CIROZ: variants seen among roughly 807,000 people sequenced by gnomAD.
CIROZ encodes the protein ciliated left-right organizer ZP-N domains-containing protein.
chr1:10,976,540 T>C, the CIROZ span, among the ~76,000 whole-genome samples: 1 of 151,598 alleles, frequency 6.6e-6, no homozygotes, highest in Non-Finnish European at 1.5e-5. Flanking sequence ...TTAGTAGAGA[T>C]GGGGTTTCAC....
At chr1:10,979,901 G>A in the CIROZ span, among the ~76,000 whole-genome samples, 1 of 152,138 alleles carries the variant, frequency 6.6e-6, no homozygotes. Flanking sequence ...TACGAAATTA[G>A]CCAGGTGCGG....
the CIROZ span, among the ~76,000 whole-genome samples, chr1:10,960,204 A>G: frequency 3.3e-5 from 5 of 152,292 alleles, no homozygotes; most frequent in Admixed American, 6.5e-5. This position sits in a 1 kb window ranked among gnomAD's most constrained non-coding sequence, Gnocchi z 4.6. Context: ...CCTGGGCAAC[A>G]TGGTGAAACC....
chr1:10,951,322 C>G, the CIROZ span, among the ~76,000 whole-genome samples: 2 of 151,930 alleles, frequency 1.3e-5, no homozygotes, highest in African/African-American at 4.8e-5. Flanking sequence ...CCCAGCAGTA[C>G]GGGAGGCTGA....
chr1:10,969,772 A>C, the CIROZ span, among the ~76,000 whole-genome samples: 2 of 149,208 alleles, frequency 1.3e-5, no homozygotes, highest in Non-Finnish European at 2.9e-5. Context: ...ACTAGTGAGG[A>C]GTGCCGGGAT....
At chr1:10,968,730 T>C in the CIROZ span, among the ~76,000 whole-genome samples, 1 of 152,206 alleles carries the variant, frequency 6.6e-6, no homozygotes, top group Non-Finnish European at 1.5e-5. Context: ...ATGAAAACTC[T>C]TCCTCAAAAG....
chr1:10,969,142 C>T, the CIROZ span, among the ~76,000 whole-genome samples: 1 of 152,194 alleles, frequency 6.6e-6, no homozygotes, highest in South Asian at 2.1e-4. Context: ...AGCAGGGTCC[C>T]TAGGAGGTTT....
the CIROZ span, among the ~76,000 whole-genome samples, chr1:10,981,445 T>C: frequency 1.4e-5 from 2 of 147,880 alleles, no homozygotes; most frequent in Admixed American, 1.4e-4. Context: ...AGCAAGACTC[T>C]ATCTCAGGAA....
At chr1:10,964,176 C>G in the CIROZ span, 99 of 1,614,046 alleles carry the variant, frequency 6.1e-5, no homozygotes, top group Non-Finnish European at 8.3e-5. Flanking sequence ...CCAGCCTTGA[C>G]CTTAGCATCG....
the CIROZ span, among the ~76,000 whole-genome samples, chr1:10,957,383 G>A: frequency 6.6e-6 from 1 of 152,222 alleles, no homozygotes; most frequent in Non-Finnish European, 1.5e-5. Context: ...CGGTAATTAC[G>A]CTCCTGCCGC....
At chr1:10,976,386 A>T in the CIROZ span, 6 of 656,056 alleles carry the variant, frequency 9.1e-6, no homozygotes, top group Non-Finnish European at 1.5e-5. Context: ...CCCTGGCTGG[A>T]GTGCAGTGGC....
the CIROZ span, chr1:10,954,191 C>T: frequency 2.5e-6 from 4 of 1,576,516 alleles, no homozygotes; most frequent in Non-Finnish European, 3.5e-6. Flanking sequence ...CGCAGTGGCT[C>T]ACGCCTGTAA....
the CIROZ span, among the ~76,000 whole-genome samples, chr1:10,952,418 T>C: frequency 6.6e-6 from 1 of 152,202 alleles, no homozygotes; most frequent in African/African-American, 2.4e-5. Flanking sequence ...TATCTTCCTA[T>C]CAAGGACCTG....
chr1:10,976,804 G>A, the CIROZ span, among the ~76,000 whole-genome samples: 1 of 152,026 alleles, frequency 6.6e-6, no homozygotes, highest in East Asian at 1.9e-4. Flanking sequence ...GATACAGAGA[G>A]CCTGAGAGGA....
the CIROZ span, among the ~76,000 whole-genome samples, chr1:10,971,270 C>T: frequency 4.5e-4 from 68 of 150,900 alleles, no homozygotes; most frequent in African/African-American, 1.6e-3. Flanking sequence ...AGAGGCAGTG[C>T]GCAATGTCCT....
the CIROZ span, among the ~76,000 whole-genome samples, chr1:10,979,203 T>C: frequency 6.6e-6 from 1 of 151,980 alleles, no homozygotes; most frequent in Non-Finnish European, 1.5e-5. Flanking sequence ...ATGTTGGCCA[T>C]GGCTGGTCTT....
At chr1:10,948,348 C>T in the CIROZ span, 43 of 1,613,376 alleles carry the variant, frequency 2.7e-5, no homozygotes, top group East Asian at 4.0e-4. Flanking sequence ...CAGTGTGGCC[C>T]GCCAGGGCCT....
the CIROZ span, among the ~76,000 whole-genome samples, chr1:10,958,055 T>A: frequency 0.088 from 13,403 of 152,252 alleles, 988 homozygotes; most frequent in African/African-American, 0.21. Flanking sequence ...TCGGCCCCTA[T>A]GCCGCCCTGG....
At chr1:10,946,496 C>A in the CIROZ span, 2 of 152,168 alleles carry the variant, frequency 1.3e-5, no homozygotes, top group African/African-American at 2.4e-5. Context: ...TTATTTATTT[C>A]TTGTTCCGGG....
At chr1:10,969,721 C>T in the CIROZ span, among the ~76,000 whole-genome samples, 107 of 152,266 alleles carry the variant, frequency 7.0e-4, no homozygotes, top group Non-Finnish European at 1.4e-3. Context: ...GGAAGAGGGG[C>T]GCAGATGACA....
Sources: allele counts gnomAD v4.1 joint callset (sites outside exome capture counted in the v4.1 genomes callset), GRCh38; gene constraint gnomAD v4.1.1; non-coding constraint Gnocchi (gnomAD v3.1); transcripts MANE v1.5; gene names NCBI Gene and HGNC (gene_info 2026-07-23, HGNC 2026-07-21).